QPCTL: variants seen among roughly 807,000 people sequenced by gnomAD.
The protein encoded by QPCTL is glutaminyl-peptide cyclotransferase-like protein.
In QPCTL, 31 loss-of-function variants were observed where a neutral mutation model predicts 34.6. That is an observed-to-expected ratio of 0.90 (90% CI 0.67 to 1.21). The LOEUF (loss-of-function observed/expected upper bound fraction) is 1.21, where lower values mean the gene tolerates loss of function less well. Ranked by LOEUF, QPCTL falls within the 50% of genes most tolerant of loss-of-function variation. QPCTL has a pLI of 0.00. For synonymous variants in QPCTL, 223 were observed against 226.9 expected (o/e 0.98, Z 0.15); for missense variants, 474 against 507.8 (o/e 0.93, Z 0.64).
intron 5 of QPCTL, among the ~76,000 whole-genome samples, chr19:45,699,343 A>T (rs1029175523): frequency 6.6e-6 from 1 of 150,412 alleles, no homozygotes; most frequent in Non-Finnish European, 1.5e-5. Context: ...CCCATCTCTT[A>T]AAAAAAAATT....
intron 5 of QPCTL, among the ~76,000 whole-genome samples, chr19:45,700,829 G>C (rs571476367): frequency 6.6e-5 from 10 of 151,872 alleles, no homozygotes; most frequent in South Asian, 2.1e-4. Flanking sequence ...TGTGGTGGTG[G>C]GCGCCTGTAC....
In QPCTL at chr19:45,701,846, T is replaced by A; in HGVS notation, c.935T>A (p.Val312Glu). The A allele has an allele frequency of 6.2e-7, 1 of 1,613,980 alleles. No homozygotes were observed. Among genetic ancestry groups the A allele is most frequent in the Non-Finnish European group, 8.5e-7 (1 of 1,179,954 alleles). The change falls in exon 6 of 7, where the codon GTG becomes GAG. Residue 312 changes from valine (V) to glutamate (E), a missense_variant. Val to Glu is a moderately radical substitution (Grantham distance 121). Coordinates refer to ENST00000012049, the MANE Select transcript of QPCTL (RefSeq NM_017659.4). ...LNLLQSHPQEVMYFQPGEPFG... is the reference protein window; with the variant it reads ...LNLLQSHPQEEMYFQPGEPFG... ...CTGCTGCAGTCTCATCCCCAGGAAG[T>A]GATGTACTTCCAACCCGGGGAGCCC...
At chr19:45,693,280 G>GGCTTT in intron 1 of QPCTL, 133 bp from the exon 2 acceptor site, 2 of 1,242,286 alleles carry the variant, frequency 1.6e-6, no homozygotes, top group East Asian at 2.4e-5. Context: ...ATTTATCCTA[G>GGCTTT]AAGTCTCCGA....
rs375624706 is a variant in QPCTL, at chr19:45,698,531, C to A, written c.634-16C>A. On this transcript the variant is annotated splice_polypyrimidine_tract_variant and intron_variant, in intron 3 of 6. Transcript: ENST00000012049. ...GTCCTGAGCTGGCTCTGGCCACCCC[C>A]CTGCTGCTCCCACAGGCAGCCCCGG... The A allele has an allele frequency of 7.4e-6, 12 of 1,613,406 alleles. No individual in the cohort carries two copies. Among genetic ancestry groups the A allele is most frequent in the South Asian group, 4.4e-5 (4 of 91,058 alleles).
In QPCTL at chr19:45,702,886, T is replaced by C; in HGVS notation, c.1004-18T>C. 1 of 1,613,790 alleles carries C rather than the reference T, an allele frequency of 6.2e-7. No individual in the cohort carries two copies. On this transcript the variant is annotated intron_variant, in intron 6 of 6. Coordinates refer to ENST00000012049, the MANE Select transcript of QPCTL (RefSeq NM_017659.4). ...GTGGGCTGCAGTGGACCTGACAAAG[T>C]CTCCTCTGTCACTTCAGGGGTACCC... is the stretch of plus-strand genomic sequence containing the variant.
chr19:45,695,641 G>C lies in QPCTL; in HGVS notation c.556G>C (p.Asp186His), dbSNP rs1269166503. The change falls in exon 3 of 7, where the codon GAT becomes CAT. Residue 186 changes from aspartate to histidine, a missense_variant. Transcript: ENST00000012049. Reference sequence around the variant, plus strand: ...ATCGACCCCCTTTGTAGGGGCCACGGATTCGGCTGTGCCCTGTGCCCTGCT... The same window carrying C: ...ATCGACCCCCTTTGTAGGGGCCACGCATTCGGCTGTGCCCTGTGCCCTGCT... ...PGSTPFVGAT[D>H]SAVPCALLLE... 1.2e-6 allele frequency: 2 copies of C among 1,613,974 alleles called. No individual in the cohort carries two copies. Among genetic ancestry groups the C allele is most frequent in the Admixed American group, 1.7e-5 (1 of 59,998 alleles).
In QPCTL at chr19:45,703,480, G is replaced by A. The variant is rs577634220; in HGVS notation, c.*431G>A. The A allele has an allele frequency of 6.4e-5, 10 of 155,122 alleles. No homozygotes were observed. Among genetic ancestry groups the A allele is most frequent in the South Asian group, 5.8e-4 (3 of 5,172 alleles). The allele number at this position is 155,122 out of a possible 1,614,324, so 9.6% of individuals were successfully genotyped here. A position where few individuals can be genotyped will look rare whatever the true frequency, so the allele number is the denominator to read the frequency against. On this transcript the variant is annotated 3_prime_UTR_variant, in exon 7 of 7. Transcript: ENST00000012049. Reference sequence around the variant, plus strand: ...CAAGTAGCTGGGACTACAGGTGCCCGCCACCACGCTGGCTAATTTTTTGTA... The same window carrying A: ...CAAGTAGCTGGGACTACAGGTGCCCACCACCACGCTGGCTAATTTTTTGTA...
intron 1 of QPCTL, 145 bp downstream of exon 1, chr19:45,693,055 T>C (rs1967605592): frequency 1.1e-6 from 1 of 919,196 alleles, no homozygotes; most frequent in African/African-American, 1.7e-5. Flanking sequence ...ACCAAAGGAA[T>C]AAGGCTTCGG....
intron 2 of QPCTL, 100 bp downstream of exon 2, chr19:45,693,656 G>A (rs1568536799): frequency 6.8e-7 from 1 of 1,468,510 alleles, no homozygotes; most frequent in Non-Finnish European, 9.1e-7. Context: ...GGAGGAACTG[G>A]GGCTCTGACT....
At position 45,697,518 on chromosome 19, in the gene QPCTL, C is replaced by T. The variant is rs9636135; in HGVS notation, c.634-1029C>T. ...CTGCTTAACCCCTCTCTGTGCCTCCCCAGTGTCCCTATAACAAAGCCCACA... is the reference window on the plus strand; with the variant it reads ...CTGCTTAACCCCTCTCTGTGCCTCCTCAGTGTCCCTATAACAAAGCCCACA... On this transcript the variant is annotated intron_variant, in intron 3 of 6. Coordinates refer to ENST00000012049, the MANE Select transcript of QPCTL (RefSeq NM_017659.4). Among the ~76,000 whole-genome samples, 4,797 of 152,216 alleles carry T rather than the reference C, an allele frequency of 0.032. 390 individuals carry two copies. The East Asian group carries it at 0.33, about 11-fold the overall frequency.
chr19:45,698,747 G>A lies in QPCTL; in HGVS notation c.786+48G>A, dbSNP rs1600342580. ...TCTGGCGAGGGAGGGAGCAGGTTAAGCAGGGCTGGCGTCATCCTGCACGGG... is the reference window on the plus strand; with the variant it reads ...TCTGGCGAGGGAGGGAGCAGGTTAAACAGGGCTGGCGTCATCCTGCACGGG... On this transcript the variant is annotated intron_variant, in intron 4 of 6. Transcript: ENST00000012049. 3 of 1,613,700 alleles carry A rather than the reference G, an allele frequency of 1.9e-6. No homozygotes were observed. In the Middle Eastern group the frequency reaches 5.0e-4, roughly 266 times the overall value.
Position 45,701,114 on chromosome 19 carries a change from G to GCA in QPCTL, c.887-665_887-664dup, listed in dbSNP as rs35311735. ...GAAGATCCCATTTCTACACACACGC[G>GCA]CACACACACACACACACACAATTAC... is the stretch of plus-strand genomic sequence containing the variant. On this transcript the variant is annotated intron_variant, in intron 5 of 6. Transcript: ENST00000012049. 1.7e-3 allele frequency among the ~76,000 whole-genome samples: 259 copies of GCA among 149,716 alleles called. 1 individual carries two copies. The highest frequency in any genetic ancestry group is 2.4e-3 in the Non-Finnish European group (162 of 67,344).
intron 5 of QPCTL, among the ~76,000 whole-genome samples, chr19:45,699,933 A>AT: frequency 6.9e-6 from 1 of 145,630 alleles, no homozygotes; most frequent in African/African-American, 2.5e-5. Flanking sequence ...CTCCATCTCA[A>AT]AAAAAAAAAA....
chr19:45,696,712 C>T (rs537316888), intron 3 of QPCTL, among the ~76,000 whole-genome samples: 1 of 151,646 alleles, frequency 6.6e-6, no homozygotes, highest in African/African-American at 2.4e-5. Context: ...GTATTCTAGC[C>T]TGGGTGACAG....
At chr19:45,702,011 G>A in intron 6 of QPCTL, 97 bp downstream of exon 6, 1 of 960,504 alleles carries the variant, frequency 1.0e-6, no homozygotes. Context: ...ATGGTGCTAA[G>A]TGGCCTTAAC....
rs767293434 is a variant in QPCTL, at chr19:45,695,634, G to C, written c.549G>C (p.Gly183=). The change falls in exon 3 of 7, where the codon GGG becomes GGC. Residue 183 remains glycine (G), a synonymous_variant. Transcript: ENST00000012049. The part of the protein sequence containing the change: ...LFPPGSTPFV[G]ATDSAVPCAL... ...CACCCGGATCGACCCCCTTTGTAGGGGCCACGGATTCGGCTGTGCCCTGTG... is the reference window on the plus strand; with the variant it reads ...CACCCGGATCGACCCCCTTTGTAGGCGCCACGGATTCGGCTGTGCCCTGTG... The C allele has an allele frequency of 6.2e-7, 1 of 1,613,892 alleles. No homozygotes were observed. The highest frequency in any genetic ancestry group is 2.2e-5 in the East Asian group (1 of 44,878).
intron 2 of QPCTL, among the ~76,000 whole-genome samples, chr19:45,694,015 A>G (rs1475060524): frequency 2.6e-5 from 4 of 152,166 alleles, no homozygotes; most frequent in African/African-American, 9.7e-5. Flanking sequence ...TCATAGACCT[A>G]GAGTTGAACC....
In QPCTL at chr19:45,695,479, G is replaced by A. The variant is rs757473815; in HGVS notation, c.394G>A (p.Val132Met). ...GCGGTCCCTGACAGCAGGTTGGCAC[G>A]TGGAGCTGGATCCCTTCACAGCCTC... Reference protein sequence around the residue: ...TLRSLTAGWHVELDPFTASTP... With the variant: ...TLRSLTAGWHMELDPFTASTP... The change falls in exon 3 of 7, where the codon GTG becomes ATG. Residue 132 changes from valine to methionine, a missense_variant. Val to Met is a conservative substitution (Grantham distance 21). Transcript: ENST00000012049. The A allele has an allele frequency of 3.7e-6, 6 of 1,612,720 alleles. No homozygotes were observed. The highest frequency in any genetic ancestry group is 2.7e-5 in the African/African-American group (2 of 74,808).
At chr19:45,693,211 C>T (rs577733267) in intron 1 of QPCTL, among the ~76,000 whole-genome samples, 69 of 152,254 alleles carry the variant, frequency 4.5e-4, no homozygotes, top group Admixed American at 4.5e-3. Context: ...TCGATTTCCC[C>T]ATCAAGTTTG....
Sources: gnomAD v4.1 joint callset for allele counts (sites outside exome capture counted in the v4.1 genomes callset) on GRCh38, gnomAD v4.1.1 for gene constraint, MANE v1.5 for transcripts, NCBI Gene and HGNC (gene_info 2026-07-23, HGNC 2026-07-21) for gene names.